The following FSD2 variants were observed in gnomAD, a reference collection of about 807,000 sequenced individuals.
FSD2 encodes the protein fibronectin type III and SPRY domain-containing protein 2.
Under a neutral mutation model 80.4 loss-of-function variants are expected in FSD2, and 71 were observed. The ratio of observed to expected loss-of-function variants is 0.88; its 90% CI spans 0.73 to 1.08. The LOEUF is 1.08. Among genes scored for constraint, FSD2 ranks in the 50% least tolerant of loss-of-function variants. FSD2 has a pLI of 0.00. For synonymous variants in FSD2, 361 were observed against 329.5 expected, an observed-to-expected ratio of 1.10 and a Z score of -1.03; for missense variants, 923 against 913.8, an observed-to-expected ratio of 1.01 and a Z score of -0.13.
intron 6 of FSD2, among the ~76,000 whole-genome samples, chr15:82,775,029 A>C (rs2049681955): frequency 6.6e-6 from 1 of 151,116 alleles, no homozygotes; most frequent in African/African-American, 2.4e-5. Flanking sequence ...CTTGTTTCTA[A>C]ATCTTTATTA....
intron 6 of FSD2, 34 bp downstream of exon 6, chr15:82,778,732 G>T: frequency 6.4e-7 from 1 of 1,568,866 alleles, no homozygotes; most frequent in South Asian, 1.2e-5. Context: ...TGGGTAGTCT[G>T]AACCTGCCGC....
chr15:82,762,068 A>C (rs376960851), intron 12 of FSD2, 34 bp downstream of exon 12: 1 of 1,519,128 alleles, frequency 6.6e-7, no homozygotes, highest in African/African-American at 1.4e-5. Flanking sequence ...TTCAAAAGCA[A>C]ATTTTAATTG....
rs1292589865 is a variant in FSD2, at chr15:82,757,174, T to A, written c.*2174A>T. ...TGTCAGGCAATTCTAGACAGTTTTTTCTTGGTCAAATAAAAATTTAATTAA... is the reference window on the plus strand; with the variant it reads ...TGTCAGGCAATTCTAGACAGTTTTTACTTGGTCAAATAAAAATTTAATTAA... On this transcript the variant is annotated 3_prime_UTR_variant, in exon 13 of 13. Transcript: ENST00000334574. 6.6e-6 allele frequency: 1 copy of A among 152,180 alleles called. No homozygotes were observed. Among genetic ancestry groups the A allele is most frequent in the Non-Finnish European group, 1.5e-5 (1 of 68,024 alleles). 9.4% of individuals were successfully genotyped at this position (152,180 alleles called of 1,614,324 possible).
Position 82,765,926 on chromosome 15 carries a change from C to T in FSD2, c.1659G>A (p.Arg553=). 1 of 1,610,548 alleles carries T rather than the reference C, an allele frequency of 6.2e-7. No homozygotes were observed. Among genetic ancestry groups the T allele is most frequent in the Non-Finnish European group, 8.5e-7 (1 of 1,178,936 alleles). The part of the protein sequence containing the change: ...RALNMGGPSV[R]SEPATVHTIG... ...TGGTGTGGACTGTAGCTGGCTCGCT[C>T]CTCACGCTGGGGCCCCCCATATTGA... The change falls in exon 10 of 13, where the codon AGG becomes AGA. Residue 553 remains arginine (R), a synonymous_variant. Coordinates refer to ENST00000334574, the MANE Select transcript of FSD2 (RefSeq NM_001007122.4).
rs181605198 is a variant in FSD2 at position 82,790,629 on chromosome 15, C to G, written c.-78-3161G>C. On this transcript the variant is annotated intron_variant, in intron 1 of 12. Transcript: ENST00000334574. Reference sequence around the variant, plus strand: ...CTCACTCTGTCGCCTAGGGTGGAGTCCAGTGGCGCGATCTCGGCTCACTGC... The same window carrying G: ...CTCACTCTGTCGCCTAGGGTGGAGTGCAGTGGCGCGATCTCGGCTCACTGC... Among the ~76,000 whole-genome samples, 347 of 151,338 alleles carry G rather than the reference C, an allele frequency of 2.3e-3. 1 individual carries two copies. Among genetic ancestry groups the G allele is most frequent in the Non-Finnish European group, 3.2e-3 (218 of 67,816 alleles).
chr15:82,786,692 T>A (rs1280339810), intron 2 of FSD2, 60 bp downstream of exon 2: 2 of 1,607,718 alleles, frequency 1.2e-6, no homozygotes, highest in Non-Finnish European at 1.7e-6. Context: ...ATTCCCTGCG[T>A]ATGTACTTGA....
chr15:82,786,649 T>C (rs1264914159), intron 2 of FSD2, 43 bp from the exon 3 acceptor site: 1 of 1,605,456 alleles, frequency 6.2e-7, no homozygotes, highest in Non-Finnish European at 8.5e-7. Context: ...ATGTTACATC[T>C]TCTCTCACTC....
intron 11 of FSD2, among the ~76,000 whole-genome samples, chr15:82,763,253 C>T (rs1032285063): frequency 2.6e-5 from 4 of 152,196 alleles, no homozygotes; most frequent in African/African-American, 9.7e-5. Context: ...CTTCTCACAT[C>T]TCCATTTTGG....
chr15:82,805,638 T>C (rs1163746775), intron 1 of FSD2, among the ~76,000 whole-genome samples: 5 of 152,182 alleles, frequency 3.3e-5, no homozygotes, highest in Admixed American at 6.5e-5. Flanking sequence ...ATATTCAACA[T>C]CTATATTTCC....
chr15:82,768,776 A>G (rs1256117673), intron 9 of FSD2, 104 bp downstream of exon 9: 2 of 1,129,674 alleles, frequency 1.8e-6, no homozygotes, highest in Middle Eastern at 3.3e-4. Context: ...ATTCCTGTGT[A>G]TCAAAAATGC....
rs962075480 is a variant in FSD2 at position 82,756,772 on chromosome 15, A to G, written c.*2576T>C. 6.6e-6 allele frequency: 1 copy of G among 152,266 alleles called. No homozygotes were observed. Among genetic ancestry groups the G allele is most frequent in the African/African-American group, 2.4e-5 (1 of 41,480 alleles). The allele number at this position is 152,266 out of a possible 1,614,324, so 9.4% of individuals were successfully genotyped here. A position where few individuals can be genotyped will look rare whatever the true frequency, so the allele number is the denominator to read the frequency against. On this transcript the variant is annotated 3_prime_UTR_variant, in exon 13 of 13. Transcript: ENST00000334574. ...TATGTGAATGACTTTCTCAGGAGTT[A>G]TAAAGTGATACAGGTAAAGCTAAGA...
At chr15:82,784,820 G>C (rs1337437220) in intron 3 of FSD2, among the ~76,000 whole-genome samples, 1 of 152,196 alleles carries the variant, frequency 6.6e-6, no homozygotes, top group Non-Finnish European at 1.5e-5. Flanking sequence ...GAGAGGGCAA[G>C]TCCTAAGCTC....
At position 82,765,942 on chromosome 15, in the gene FSD2, C is replaced by T. The variant is rs754832955; in HGVS notation, c.1643G>A (p.Gly548Glu). Residue 548 changes from glycine to glutamate, a missense_variant, in exon 10 of 13, where the codon GGG becomes GAG. Gly to Glu is a moderately conservative substitution (Grantham distance 98). Coordinates refer to ENST00000334574, the MANE Select transcript of FSD2 (RefSeq NM_001007122.4). The stretch of plus-strand genomic sequence containing the variant: ...TGGCTCGCTCCTCACGCTGGGGCCC[C>T]CCATATTGAGGGCTCGCACATAGAT... ...YIIYVRALNMGGPSVRSEPAT... is the reference protein window; with the variant it reads ...YIIYVRALNMEGPSVRSEPAT... 3 of 1,609,384 alleles carry T rather than the reference C, an allele frequency of 1.9e-6. No individual in the cohort carries two copies. The East Asian group carries it at 6.7e-5, about 36-fold the overall frequency.
intron 1 of FSD2, among the ~76,000 whole-genome samples, chr15:82,791,294 G>A (rs912110798): frequency 6.6e-6 from 1 of 152,098 alleles, no homozygotes; most frequent in Admixed American, 6.5e-5. Flanking sequence ...CACCGCACCC[G>A]GCAATTCAGT....
At chr15:82,800,904 C>T (rs1380142882) in intron 1 of FSD2, among the ~76,000 whole-genome samples, 1 of 151,960 alleles carries the variant, frequency 6.6e-6, no homozygotes, top group East Asian at 1.9e-4. Context: ...TAAAAATCAC[C>T]CCTGGGGTGG....
chr15:82,778,137 TATATATATATATATATATATA>T (rs1406205093), intron 6 of FSD2, among the ~76,000 whole-genome samples: 2 of 134,330 alleles, frequency 1.5e-5, no homozygotes, highest in African/African-American at 6.0e-5. Flanking sequence ...CATATATATA[TATATATATATATATATATATA>T]ATAACTATTA....
At chr15:82,794,454 T>C (rs1164435749) in intron 1 of FSD2, among the ~76,000 whole-genome samples, 1 of 152,214 alleles carries the variant, frequency 6.6e-6, no homozygotes, top group Non-Finnish European at 1.5e-5. Flanking sequence ...TGTATTCTGC[T>C]TCTGCTGTTG....
At position 82,802,641 on chromosome 15, in the gene FSD2, G is replaced by A. The variant is rs375400861; in HGVS notation, c.-79+3325C>T. ...GTACCTCTGGAAATAGAACCTGAGA[G>A]GATGGGAGGGTCATGCTTCTTCTCT... On this transcript the variant is annotated intron_variant, in intron 1 of 12. Transcript: ENST00000334574. Among the ~76,000 whole-genome samples the A allele has an allele frequency of 5.3e-5, 8 of 152,184 alleles. No individual in the cohort carries two copies. In the East Asian group the frequency reaches 1.2e-3, roughly 22 times the overall value.
intron 1 of FSD2, among the ~76,000 whole-genome samples, chr15:82,793,286 A>G (rs567666267): frequency 1.3e-5 from 2 of 151,682 alleles, no homozygotes; most frequent in African/African-American, 4.8e-5. Context: ...TTTTTAGTAG[A>G]GACGGGGTTT....
Sources: allele counts gnomAD v4.1 joint callset (sites outside exome capture counted in the v4.1 genomes callset), GRCh38; gene constraint gnomAD v4.1.1; transcripts MANE v1.5; gene names NCBI Gene and HGNC (gene_info 2026-07-23, HGNC 2026-07-21).